Variants in RAB5IF observed in about 807,000 individuals in gnomAD.
RAB5IF encodes RAB5 interacting factor, also known as GEL complex subunit OPTI.
Under a neutral mutation model 20.3 loss-of-function variants are expected in RAB5IF, and 15 were observed. The ratio of observed to expected loss-of-function variants is 0.74; its 90% confidence interval spans 0.50 to 1.14. The LOEUF (loss-of-function observed/expected upper bound fraction) is 1.14. Among genes scored for constraint, RAB5IF ranks in the 50% most tolerant of loss-of-function variants. The probability of loss-of-function intolerance (pLI) is 0.00; values close to 1 mark genes in which losing one functional copy is unlikely to be tolerated. For synonymous variants in RAB5IF, 67 were observed against 63.7 expected (o/e 1.05, Z -0.25); for missense variants, 148 against 159.5 (o/e 0.93, Z 0.39).
At chr20:36,606,132 G>A in intron 1 of RAB5IF, 67 bp downstream of exon 1, 1 of 998,014 alleles carries the variant, frequency 1.0e-6, no homozygotes, top group African/African-American at 1.7e-5. Context: ...CGGAAGACTG[G>A]CGCGGGCCTG....
intron 3 of RAB5IF, 28 bp from the exon 4 acceptor site, chr20:36,611,982 C>A: frequency 6.2e-7 from 1 of 1,613,682 alleles, no homozygotes; most frequent in African/African-American, 1.3e-5. Flanking sequence ...GCCAGGTGAC[C>A]TATGAACAGT....
intron 2 of RAB5IF, among the ~76,000 whole-genome samples, chr20:36,608,580 T>TA (rs398035649): frequency 6.5e-5 from 9 of 138,894 alleles, no homozygotes; most frequent in East Asian, 2.0e-4. Context: ...TTTTTTTTTT[T>TA]AAAGACAGAG....
In RAB5IF at chr20:36,612,375, A is replaced by G; in HGVS notation, c.*324A>G. 1 of 718,214 alleles carries G rather than the reference A, an allele frequency of 1.4e-6. No individual in the cohort carries two copies. Among genetic ancestry groups the G allele is most frequent in the East Asian group, 2.6e-5 (1 of 38,164 alleles). 44.5% of individuals were successfully genotyped at this position (718,214 alleles called of 1,614,324 possible). A position where few individuals can be genotyped will look rare whatever the true frequency, so the allele number is the denominator to read the frequency against. On this transcript the variant is annotated 3_prime_UTR_variant, in exon 4 of 4. Transcript: ENST00000344795. ...CACCTCTGGATTCAGATGAAACATT[A>G]AATTGTCTTCCTCGATTCTCCATCG...
rs1383217843 is a variant in RAB5IF, at chr20:36,612,047, A to T, written c.386A>T (p.Asp129Val). The change falls in exon 4 of 4, where the codon GAC (aspartate) becomes GTC (valine). Residue 129 changes from aspartate to valine, a missense_variant. Physicochemically the swap from Asp to Val is radical, Grantham distance 152. Transcript: ENST00000344795. ...WIIFYTAIHY[D>V] ...ATCTTTTACACTGCCATCCATTATG[A>T]CTGATGGTGTACAGCTCCCAAGTGC... The T allele has an allele frequency of 1.2e-6, 2 of 1,613,950 alleles. No individual in the cohort carries two copies. Among genetic ancestry groups the T allele is most frequent in the Admixed American group, 3.3e-5 (2 of 59,974 alleles).
chr20:36,608,993 G>T (rs2039001098), intron 2 of RAB5IF, among the ~76,000 whole-genome samples: 1 of 151,462 alleles, frequency 6.6e-6, no homozygotes, highest in Admixed American at 6.6e-5. Context: ...GTTATACAGG[G>T]GGTATACTGT....
At chr20:36,609,164 C>CATATAT (rs1568595314) in intron 2 of RAB5IF, among the ~76,000 whole-genome samples, 5 of 49,702 alleles carry the variant, frequency 1.0e-4, no homozygotes, top group Non-Finnish European at 1.3e-4. Context: ...ATTACACACA[C>CATATAT]ACACACACAC....
chr20:36,605,922 CA>C lies in RAB5IF; in HGVS notation c.-29del. 1 of 1,424,644 alleles carries C rather than the reference CA, an allele frequency of 7.0e-7. No individual in the cohort carries two copies. Among genetic ancestry groups the C allele is most frequent in the Non-Finnish European group, 9.3e-7 (1 of 1,072,672 alleles). 88.3% of individuals were successfully genotyped at this position (1,424,644 alleles called of 1,614,324 possible). A position where few individuals can be genotyped will look rare whatever the true frequency, so the allele number is the denominator to read the frequency against. Reference sequence around the variant, plus strand: ...TCCCTTTGGCTCAGCCCGCGCGCCCCAGGCCCGGCCCGGGCGGCGCGACGGG... The same window carrying C: ...TCCCTTTGGCTCAGCCCGCGCGCCCCGGCCCGGCCCGGGCGGCGCGACGGG... On this transcript the variant is annotated 5_prime_UTR_variant, in exon 1 of 4. Coordinates refer to ENST00000344795, the MANE Select transcript of RAB5IF (RefSeq NM_018840.5).
Position 36,612,383 on chromosome 20 carries a change from TTCC to T in RAB5IF, c.*335_*337del. On this transcript the variant is annotated 3_prime_UTR_variant, in exon 4 of 4. Coordinates refer to ENST00000344795, the MANE Select transcript of RAB5IF (RefSeq NM_018840.5). ...GATTCAGATGAAACATTAAATTGTCTTCCTCGATTCTCCATCGGGTGTAGAGTT... is the reference window on the plus strand; with the variant it reads ...GATTCAGATGAAACATTAAATTGTCTTCGATTCTCCATCGGGTGTAGAGTT... 1.5e-6 allele frequency: 1 copy of T among 686,388 alleles called. No homozygotes were observed. Among genetic ancestry groups the T allele is most frequent in the South Asian group, 1.8e-5 (1 of 55,238 alleles). 42.5% of individuals were successfully genotyped at this position (686,388 alleles called of 1,614,324 possible).
intron 1 of RAB5IF, among the ~76,000 whole-genome samples, chr20:36,606,961 C>G (rs561147969): frequency 6.6e-6 from 1 of 152,206 alleles, no homozygotes; most frequent in Non-Finnish European, 1.5e-5. Flanking sequence ...CCAGCCCTGC[C>G]CAGCTCTTGC....
At chr20:36,606,618 C>T (rs976589517) in intron 1 of RAB5IF, among the ~76,000 whole-genome samples, 1 of 152,180 alleles carries the variant, frequency 6.6e-6, no homozygotes. Flanking sequence ...TGTAAAGGAC[C>T]GAATACTTTG....
chr20:36,609,199 ACACG>A (rs1312964576), intron 2 of RAB5IF, among the ~76,000 whole-genome samples: 5 of 56,198 alleles, frequency 8.9e-5, no homozygotes, highest in Admixed American at 1.8e-4. Flanking sequence ...ACACACGCAC[ACACG>A]CACACACGCA....
chr20:36,609,156 T>TACATACATACATACATACATACAC, intron 2 of RAB5IF, among the ~76,000 whole-genome samples: 3 of 17,052 alleles, frequency 1.8e-4, no homozygotes, highest in African/African-American at 2.5e-4. Flanking sequence ...AGAACTATAT[T>TACATACATACATACATACATACAC]ACACACACAC....
At chr20:36,609,166 C>T (rs1399043639) in intron 2 of RAB5IF, among the ~76,000 whole-genome samples, 190 of 11,408 alleles carry the variant, frequency 0.017, 6 homozygotes, top group African/African-American at 0.026. Flanking sequence ...TACACACACA[C>T]ACACACACAC....
At position 36,608,444 on chromosome 20, in the gene RAB5IF, T is replaced by C. The variant is rs1015427177; in HGVS notation, c.218+626T>C. 2.6e-5 allele frequency among the ~76,000 whole-genome samples: 4 copies of C among 151,988 alleles called. No individual in the cohort carries two copies. In the East Asian group the frequency reaches 7.7e-4, roughly 29 times the overall value. On this transcript the variant is annotated intron_variant, in intron 2 of 3. Coordinates refer to ENST00000344795, the MANE Select transcript of RAB5IF (RefSeq NM_018840.5). ...AAATTTTGTAGAGACAAGGTTTCTCTACATTTCCCAGGCTGGTCTTGAACT... is the reference window on the plus strand; with the variant it reads ...AAATTTTGTAGAGACAAGGTTTCTCCACATTTCCCAGGCTGGTCTTGAACT...
chr20:36,608,365 C>T (rs2038983752), intron 2 of RAB5IF, among the ~76,000 whole-genome samples: 1 of 152,032 alleles, frequency 6.6e-6, no homozygotes, highest in Non-Finnish European at 1.5e-5. Context: ...CTGCCTCAGC[C>T]TCCTAAGTAG....
At chr20:36,609,156 T>TACATACATATACACACACAC in intron 2 of RAB5IF, among the ~76,000 whole-genome samples, 2 of 17,064 alleles carry the variant, frequency 1.2e-4, no homozygotes, top group African/African-American at 4.9e-4. Flanking sequence ...AGAACTATAT[T>TACATACATATACACACACAC]ACACACACAC....
In RAB5IF at chr20:36,611,644, C is replaced by T. The variant is rs528595857; in HGVS notation, c.349-366C>T. On this transcript the variant is annotated intron_variant, in intron 3 of 3. Coordinates refer to ENST00000344795, the MANE Select transcript of RAB5IF (RefSeq NM_018840.5). ...AATGGGTAGCCAAGGTTTGAGAATCCCTGCTTTGATATGCAGCTGACAAGT... is the reference window on the plus strand; with the variant it reads ...AATGGGTAGCCAAGGTTTGAGAATCTCTGCTTTGATATGCAGCTGACAAGT... Among the ~76,000 whole-genome samples the T allele has an allele frequency of 2.6e-5, 4 of 151,748 alleles. No homozygotes were observed. The East Asian group carries it at 7.7e-4, about 29-fold the overall frequency.
In RAB5IF at chr20:36,605,850, G is replaced by A; in HGVS notation, c.-102G>A. ...CAGCGCGCCGCAGGACCGGGCCGCTGAGCCTGCAGCCGCCCCGCGCCGTGA... is the reference window on the plus strand; with the variant it reads ...CAGCGCGCCGCAGGACCGGGCCGCTAAGCCTGCAGCCGCCCCGCGCCGTGA... On this transcript the variant is annotated 5_prime_UTR_variant, in exon 1 of 4. Transcript: ENST00000344795. The A allele has an allele frequency of 1.7e-6, 1 of 582,604 alleles. No homozygotes were observed. The highest frequency in any genetic ancestry group is 2.7e-6 in the Non-Finnish European group (1 of 372,878). The allele number at this position is 582,604 out of a possible 1,614,324, so 36.1% of individuals were successfully genotyped here. A position where few individuals can be genotyped will look rare whatever the true frequency, so the allele number is the denominator to read the frequency against.
intron 3 of RAB5IF, 72 bp downstream of exon 3, chr20:36,609,802 A>G (rs1276794193): frequency 1.2e-6 from 2 of 1,613,534 alleles, no homozygotes; most frequent in Non-Finnish European, 1.7e-6. Flanking sequence ...AGGGGACCCC[A>G]CTGATTGAGT....
Sources: allele counts gnomAD v4.1 joint callset (sites outside exome capture counted in the v4.1 genomes callset), GRCh38; gene constraint gnomAD v4.1.1; transcripts MANE v1.5; gene names NCBI Gene and HGNC (gene_info 2026-07-23, HGNC 2026-07-21).